The following CMIP variants were observed in gnomAD, a reference collection of about 807,000 sequenced individuals.
CMIP encodes the protein C-Maf-inducing protein.
In CMIP, 13 loss-of-function variants were observed where a neutral mutation model predicts 97.3. The ratio of observed to expected loss-of-function variants is 0.13; its 90% CI spans 0.09 to 0.21. The LOEUF (loss-of-function observed/expected upper bound fraction) is 0.21. CMIP is among the 10% of genes least tolerant of loss of function. The pLI is 1.00. For missense variants in CMIP, 847 were observed against 1,024.9 expected (o/e 0.83, Z 2.37); for synonymous variants, 538 against 436.3 (o/e 1.23, Z -2.91).
intron 18 of CMIP, among the ~76,000 whole-genome samples, chr16:81,704,673 A>G (rs186027663): frequency 9.0e-5 from 4 of 44,280 alleles, no homozygotes; most frequent in African/African-American, 9.8e-5. Flanking sequence ...CCTCCTCCCT[A>G]CCCCTTCATC....
At chr16:81,601,001 G>C (rs1010999558) in intron 1 of CMIP, among the ~76,000 whole-genome samples, 10 of 152,176 alleles carry the variant, frequency 6.6e-5, no homozygotes, top group Admixed American at 3.9e-4. Flanking sequence ...CGTGGAACCC[G>C]ACTGTGCAGC....
At chr16:81,574,578 A>G (rs1341390244) in intron 1 of CMIP, among the ~76,000 whole-genome samples, 1 of 152,254 alleles carries the variant, frequency 6.6e-6, no homozygotes, top group Non-Finnish European at 1.5e-5. Flanking sequence ...GTCACTAAAA[A>G]CAGTGACGGA....
chr16:81,508,993 AT>A (rs1050807543), intron 1 of CMIP, among the ~76,000 whole-genome samples: 16 of 152,230 alleles, frequency 1.1e-4, no homozygotes, highest in Admixed American at 9.2e-4. Flanking sequence ...GAACTCTTGA[AT>A]ACAATTCAGG....
chr16:81,467,279 C>T (rs541621631), intron 1 of CMIP, among the ~76,000 whole-genome samples: 3 of 152,326 alleles, frequency 2.0e-5, no homozygotes, highest in East Asian at 3.9e-4. Context: ...CCAGATGAGG[C>T]GCTTGACAAC....
At chr16:81,514,962 C>G (rs765835890) in intron 1 of CMIP, among the ~76,000 whole-genome samples, 1 of 152,200 alleles carries the variant, frequency 6.6e-6, no homozygotes, top group Admixed American at 6.5e-5. Flanking sequence ...TGAACACTCC[C>G]CTGAGCATCG....
At chr16:81,483,050 T>C (rs1274757981) in intron 1 of CMIP, among the ~76,000 whole-genome samples, 1 of 152,326 alleles carries the variant, frequency 6.6e-6, no homozygotes, top group East Asian at 1.9e-4. Context: ...CACGGAAATA[T>C]AGAATCTTGT....
chr16:81,460,279 G>A (rs1340226852), intron 1 of CMIP, among the ~76,000 whole-genome samples: 1 of 152,174 alleles, frequency 6.6e-6, no homozygotes, highest in Non-Finnish European at 1.5e-5. Flanking sequence ...AGGAGGGTGA[G>A]TGGGCTATTT....
intron 1 of CMIP, among the ~76,000 whole-genome samples, chr16:81,580,659 C>A (rs1316653761): frequency 6.6e-6 from 1 of 152,024 alleles, no homozygotes; most frequent in Non-Finnish European, 1.5e-5. Flanking sequence ...TGGTCTCGAA[C>A]TCCTGACCTC....
At chr16:81,699,859 C>G in intron 15 of CMIP, 58 bp downstream of exon 15, 1 of 1,198,730 alleles carries the variant, frequency 8.3e-7, no homozygotes, top group Non-Finnish European at 1.2e-6. Context: ...CTTGTCCGTG[C>G]CGATAGAGCA....
At chr16:81,473,399 A>T (rs1002172292) in intron 1 of CMIP, among the ~76,000 whole-genome samples, 1 of 151,978 alleles carries the variant, frequency 6.6e-6, no homozygotes, top group Non-Finnish European at 1.5e-5. Context: ...GACCCGGCAG[A>T]GGCTGTTGCC....
chr16:81,657,576 C>G (rs2092498019), intron 4 of CMIP, among the ~76,000 whole-genome samples, 199 bp from the exon 5 acceptor site: 1 of 152,136 alleles, frequency 6.6e-6, no homozygotes, highest in South Asian at 2.1e-4. Flanking sequence ...TTCTCCCTGC[C>G]CCAAAACCAT....
rs957889982 is a variant in CMIP, at chr16:81,616,511, G to A, written c.427-4365G>A. ...ACCGAGTAAGCACCCGTGGTCTGTG[G>A]TTGGTAGTGACATGCGTCATCGCAC... is the stretch of plus-strand genomic sequence containing the variant. On this transcript the variant is annotated intron_variant, in intron 2 of 20. Coordinates refer to ENST00000537098, the MANE Select transcript of CMIP (RefSeq NM_198390.3). This position sits in a 1 kb window ranked among gnomAD's most constrained non-coding sequence, Gnocchi z 4.7. Among the ~76,000 whole-genome samples, 8 of 152,380 alleles carry A rather than the reference G, an allele frequency of 5.3e-5. No homozygotes were observed. Among genetic ancestry groups the A allele is most frequent in the African/African-American group, 1.9e-4 (8 of 41,598 alleles).
chr16:81,639,585 C>G (rs932580186), intron 3 of CMIP, among the ~76,000 whole-genome samples: 1 of 152,220 alleles, frequency 6.6e-6, no homozygotes, highest in African/African-American at 2.4e-5. Flanking sequence ...GGATTTCCTT[C>G]CTTTTTAAGA....
intron 19 of CMIP, among the ~76,000 whole-genome samples, chr16:81,706,052 GCC>G (rs1908103310): frequency 6.6e-6 from 1 of 152,202 alleles, no homozygotes; most frequent in African/African-American, 2.4e-5. Flanking sequence ...AGGCTCCCGT[GCC>G]CGTTGACATT....
chr16:81,540,030 A>C (rs1349951901), intron 1 of CMIP, among the ~76,000 whole-genome samples: 1 of 152,202 alleles, frequency 6.6e-6, no homozygotes, highest in African/African-American at 2.4e-5. Flanking sequence ...CAGTGAACGA[A>C]GCCGAAAGTA....
chr16:81,648,293 C>G (rs1243602165), intron 3 of CMIP, among the ~76,000 whole-genome samples: 1 of 151,964 alleles, frequency 6.6e-6, no homozygotes, highest in Non-Finnish European at 1.5e-5. Flanking sequence ...GGGCAAGTCT[C>G]TTGACCTCTC....
At chr16:81,605,575 T>C (rs2091729449) in intron 1 of CMIP, among the ~76,000 whole-genome samples, 1 of 152,176 alleles carries the variant, frequency 6.6e-6, no homozygotes, top group Non-Finnish European at 1.5e-5. Flanking sequence ...TGACCCACCC[T>C]TCTCTCCAAC....
intron 8 of CMIP, 59 bp from the exon 9 acceptor site, chr16:81,671,907 C>G: frequency 1.1e-6 from 1 of 887,454 alleles, no homozygotes; most frequent in Non-Finnish European, 1.8e-6. Context: ...TCCCCCCTTA[C>G]CCTGTCCATG....
chr16:81,622,027 A>G (rs549688059), intron 3 of CMIP: 1 of 152,202 alleles, frequency 6.6e-6, no homozygotes. Context: ...CTGAGCTTCT[A>G]CTGTGTGCCA....
Sources: allele counts gnomAD v4.1 joint callset (sites outside exome capture counted in the v4.1 genomes callset), GRCh38; gene constraint gnomAD v4.1.1; non-coding constraint Gnocchi (gnomAD v3.1); transcripts MANE v1.5; gene names NCBI Gene and HGNC (gene_info 2026-07-23, HGNC 2026-07-21).